The following MBD5 variants were observed in gnomAD, a reference collection of about 807,000 sequenced individuals.
MBD5 encodes methyl-CpG binding domain protein 5.
A neutral mutation model predicts 117.3 loss-of-function variants in MBD5; 13 were observed. The observed-to-expected ratio is 0.11, with a 90% CI of 0.07 to 0.18. The LOEUF (loss-of-function observed/expected upper bound fraction) is 0.18, where lower values mean the gene tolerates loss of function less well. Among genes scored for constraint, MBD5 ranks in the 10% least tolerant of loss-of-function variants. The probability of loss-of-function intolerance (pLI) is 1.00; values close to 1 mark genes in which losing one functional copy is unlikely to be tolerated. For synonymous variants in MBD5, 727 were observed against 766.4 expected, an observed-to-expected ratio of 0.95 and a Z score of 0.85; for missense variants, 1,879 against 2,093.8, an observed-to-expected ratio of 0.90 and a Z score of 2.00.
In MBD5 at chr2:148,489,633, A is replaced by G; in HGVS notation, c.4001A>G (p.Gln1334Arg). Residue 1334 changes from glutamine (Q) to arginine (R), a missense_variant, in exon 11 of 14, where the codon CAG (glutamine) becomes CGG (arginine). Gln to Arg is a conservative substitution (Grantham distance 43, BLOSUM62 1). Transcript: ENST00000642680. ...AVVDAASKGMQVVITTAVNST... is the reference protein window; with the variant it reads ...AVVDAASKGMRVVITTAVNST... ...GTCGATGCAGCCAGCAAAGGAATGC[A>G]GGTTGTCATCACCACTGCAGTCAAC... The G allele has an allele frequency of 3.1e-6, 5 of 1,614,196 alleles. No individual in the cohort carries two copies. The highest frequency in any genetic ancestry group is 4.2e-6 in the Non-Finnish European group (5 of 1,180,028).
chr2:148,188,663 A>G (rs1260617322), intron 2 of MBD5, among the ~76,000 whole-genome samples: 1 of 143,068 alleles, frequency 7.0e-6, no homozygotes. Flanking sequence ...AGCCTGGGCA[A>G]CAGTGTGAGA....
At chr2:148,384,147 A>G (rs958710695) in intron 4 of MBD5, among the ~76,000 whole-genome samples, 11 of 152,250 alleles carry the variant, frequency 7.2e-5, no homozygotes, top group African/African-American at 2.6e-4. Context: ...AGGGCATTCA[A>G]TTAGGAAAAG....
rs554582724 is a variant in MBD5, at chr2:148,072,110, T to C, written c.-925+50426T>C. The C allele has an allele frequency of 5.9e-5, 9 of 152,294 alleles. No individual in the cohort carries two copies. The East Asian group carries it at 1.7e-3, about 29-fold the overall frequency. The allele number at this position is 152,294 out of a possible 1,614,324, so 9.4% of individuals were successfully genotyped here. The stretch of plus-strand genomic sequence containing the variant: ...GTGTTTATTCACCTAGAGAATTCAG[T>C]ATTCTAATTTGAAGATAGGTTCTAC... On this transcript the variant is annotated intron_variant, in intron 1 of 13. Coordinates refer to ENST00000642680, the MANE Select transcript of MBD5 (RefSeq NM_001378120.1).
At chr2:148,056,402 C>G (rs1694864935) in intron 1 of MBD5, among the ~76,000 whole-genome samples, 1 of 151,858 alleles carries the variant, frequency 6.6e-6, no homozygotes, top group Admixed American at 6.6e-5. Context: ...TGTAATGTTG[C>G]CAGTCATAAA....
chr2:148,233,875 C>T (rs887781349), intron 3 of MBD5, among the ~76,000 whole-genome samples: 1 of 152,260 alleles, frequency 6.6e-6, no homozygotes, highest in African/African-American at 2.4e-5. Context: ...GCTCCAAAAT[C>T]TTGGAAAGCT....
intron 2 of MBD5, among the ~76,000 whole-genome samples, chr2:148,180,343 C>CATATATATATATAT (rs70992196): frequency 0.31 from 32,271 of 104,882 alleles, 5,962 homozygotes; most frequent in East Asian, 0.52. Context: ...AAAAATTATA[C>CATATATATATATAT]ATATATATAT....
chr2:148,353,256 C>A lies in MBD5; in HGVS notation c.-557+10920C>A, dbSNP rs143099632. ...TTGTATTTGGGATTCTGACCTTTAT[C>A]CTAAGAGTGATGGAAAACCTCTGAA... On this transcript the variant is annotated intron_variant, in intron 4 of 13. Transcript: ENST00000642680. 2.0e-3 allele frequency among the ~76,000 whole-genome samples: 301 copies of A among 152,114 alleles called. 1 individual carries two copies. Among genetic ancestry groups the A allele is most frequent in the Admixed American group, 4.0e-3 (61 of 15,254 alleles).
intron 11 of MBD5, among the ~76,000 whole-genome samples, chr2:148,498,777 C>G (rs1228107006): frequency 6.6e-6 from 1 of 152,146 alleles, no homozygotes; most frequent in Non-Finnish European, 1.5e-5. Flanking sequence ...AAATCAAAAA[C>G]TTAGTTAAAT....
intron 4 of MBD5, among the ~76,000 whole-genome samples, chr2:148,388,081 T>C (rs77311095): frequency 0.014 from 2,058 of 152,284 alleles, 47 homozygotes; most frequent in African/African-American, 0.047. Context: ...GTTGTAAAGC[T>C]GTAAGATTTA....
chr2:148,231,500 C>T (rs959488153), intron 2 of MBD5, among the ~76,000 whole-genome samples: 1 of 152,068 alleles, frequency 6.6e-6, no homozygotes, highest in Admixed American at 6.6e-5. Flanking sequence ...GAAGTTAAAG[C>T]CAGGTACTGT....
chr2:148,350,136 A>G (rs1304938959), intron 4 of MBD5, among the ~76,000 whole-genome samples: 2 of 151,962 alleles, frequency 1.3e-5, no homozygotes, highest in African/African-American at 4.8e-5. Context: ...AGGAGCACCA[A>G]TGTCCTCAGG....
rs758364723 is a variant in MBD5, at chr2:148,468,396, G to T, written c.453G>T (p.Lys151Asn). 1.2e-6 allele frequency: 2 copies of T among 1,613,638 alleles called. No homozygotes were observed. Among genetic ancestry groups the T allele is most frequent in the Non-Finnish European group, 1.7e-6 (2 of 1,179,808 alleles). ...CAACTCCAAGATCAGTAAGAAATAA[G>T]TCTCATGAAGGAATTACAAATTCTG... ...RAATPRSVRN[K>N]SHEGITNSVM... Residue 151 changes from lysine (K) to asparagine (N), a missense_variant, in exon 8 of 14, where the codon AAG becomes AAT. By Grantham distance (94) the Lys-to-Asn change is moderately conservative. This residue lies in a region of MBD5 where 1,666 missense variants were observed against 1,792.2 expected (regional missense o/e 0.93). Coordinates refer to ENST00000642680, the MANE Select transcript of MBD5 (RefSeq NM_001378120.1).
intron 2 of MBD5, among the ~76,000 whole-genome samples, chr2:148,220,261 A>T (rs1362894315): frequency 6.6e-6 from 1 of 152,170 alleles, no homozygotes; most frequent in African/African-American, 2.4e-5. Context: ...CAATTGAGAG[A>T]TGACTGTAGG....
intron 1 of MBD5, among the ~76,000 whole-genome samples, chr2:148,176,809 T>C (rs946583618): frequency 6.6e-6 from 1 of 151,914 alleles, no homozygotes; most frequent in Non-Finnish European, 1.5e-5. Context: ...TTTTTGACTT[T>C]GTATTTAAAC....
intron 1 of MBD5, among the ~76,000 whole-genome samples, chr2:148,065,322 G>T (rs1239776159): frequency 2.0e-5 from 3 of 152,130 alleles, no homozygotes; most frequent in Admixed American, 6.6e-5. Context: ...TAAGGTAGGA[G>T]GGGGAGGAAC....
intron 11 of MBD5, among the ~76,000 whole-genome samples, chr2:148,494,769 G>GA (rs1681645692): frequency 1.3e-5 from 2 of 152,146 alleles, no homozygotes; most frequent in Admixed American, 1.3e-4. Flanking sequence ...AGACCATCCT[G>GA]GCTGACACGG....
intron 3 of MBD5, among the ~76,000 whole-genome samples, chr2:148,248,155 A>G (rs1700380261): frequency 6.6e-6 from 1 of 152,166 alleles, no homozygotes; most frequent in Non-Finnish European, 1.5e-5. Context: ...TGGAGAGTCT[A>G]TACTTAAGGT....
rs980392845 is a variant in MBD5 at position 148,030,200 on chromosome 2, GGCAGAGGTTGCCTCCTGAGT to G, written c.-925+8523_-925+8542del. Among the ~76,000 whole-genome samples, 21 of 152,070 alleles carry G rather than the reference GGCAGAGGTTGCCTCCTGAGT, an allele frequency of 1.4e-4. No homozygotes were observed. The East Asian group carries it at 3.3e-3, about 24-fold the overall frequency. The stretch of plus-strand genomic sequence containing the variant: ...GCAAGAGAATCGCTTCAACTCAGGA[GGCAGAGGTTGCCTCCTGAGT>G]GCAGAGATCATGCCACTGCACTTCA... On this transcript the variant is annotated intron_variant, in intron 1 of 13. Coordinates refer to ENST00000642680, the MANE Select transcript of MBD5 (RefSeq NM_001378120.1).
At position 148,511,477 on chromosome 2, in the gene MBD5, C is replaced by G. The variant is rs146814586; in HGVS notation, c.5112+1342C>G. On this transcript the variant is annotated intron_variant, in intron 13 of 13. Transcript: ENST00000642680. Reference sequence around the variant, plus strand: ...TCATGTGCTCTCTCCAGAAGGCATTCCTTCCATGCTCCAGCAGATCTTAGA... The same window carrying G: ...TCATGTGCTCTCTCCAGAAGGCATTGCTTCCATGCTCCAGCAGATCTTAGA... 2.6e-5 allele frequency among the ~76,000 whole-genome samples: 4 copies of G among 152,346 alleles called. No individual in the cohort carries two copies. The East Asian group carries it at 7.7e-4, about 29-fold the overall frequency.
Sources: allele counts gnomAD v4.1 joint callset (sites outside exome capture counted in the v4.1 genomes callset), GRCh38; gene constraint gnomAD v4.1.1; regional missense constraint gnomAD v4.1.1; transcripts MANE v1.5; gene names NCBI Gene and HGNC (gene_info 2026-07-23, HGNC 2026-07-21).